The following ARFGEF1 variants were observed in gnomAD, a reference collection of about 807,000 sequenced individuals.
ARFGEF1 encodes the protein brefeldin A-inhibited guanine nucleotide-exchange protein 1.
ARFGEF1 carries 42 observed loss-of-function variants against 231.0 expected under a neutral mutation model. The observed-to-expected ratio is 0.18, with a 90% CI of 0.14 to 0.24. The LOEUF (loss-of-function observed/expected upper bound fraction) is 0.24. ARFGEF1 is among the 10% of genes least tolerant of loss of function. The pLI, the probability that ARFGEF1 is intolerant of heterozygous loss-of-function variation, is 1.00. For synonymous variants in ARFGEF1, 710 were observed against 732.3 expected (o/e 0.97, Z 0.49); for missense variants, 1,345 against 2,192.0 (o/e 0.61, Z 7.72).
intron 7 of ARFGEF1, among the ~76,000 whole-genome samples, chr8:67,282,674 C>T (rs928217415): frequency 2.6e-5 from 4 of 151,738 alleles, no homozygotes; most frequent in East Asian, 1.9e-4. Flanking sequence ...GGTAAAACCC[C>T]GTCTCTACCA....
At chr8:67,194,064 C>T (rs201847681), downstream of ARFGEF1, among the ~76,000 whole-genome samples, 8 of 118,094 alleles carry the variant, frequency 6.8e-5, no homozygotes, top group Non-Finnish European at 1.3e-4. Flanking sequence ...TAAAGCTAGT[C>T]GTCTCCTCAT....
rs1389945256 is a variant in ARFGEF1, at chr8:67,277,580, G to T, written c.1028-123C>A. 4.4e-5 allele frequency: 37 copies of T among 834,958 alleles called. No individual in the cohort carries two copies. In the South Asian group the frequency reaches 5.5e-4, roughly 12 times the overall value. The allele number at this position is 834,958 out of a possible 1,614,324, so 51.7% of individuals were successfully genotyped here. A position where few individuals can be genotyped will look rare whatever the true frequency, so the allele number is the denominator to read the frequency against. ...GCAATGTGAAGTAAAATATGTATTGGCACCATTTAAAGGTTAGCATACTTA... is the reference window on the plus strand; with the variant it reads ...GCAATGTGAAGTAAAATATGTATTGTCACCATTTAAAGGTTAGCATACTTA... On this transcript the variant is annotated intron_variant, in intron 7 of 38. Transcript: ENST00000262215.
intron 7 of ARFGEF1, among the ~76,000 whole-genome samples, chr8:67,278,558 A>G (rs1339339314): frequency 6.6e-6 from 1 of 152,146 alleles, no homozygotes; most frequent in Non-Finnish European, 1.5e-5. Context: ...AATAGATTAA[A>G]CTGGATAGGC....
rs996826279 is a variant in ARFGEF1, at chr8:67,217,793, T to C, written c.4602A>G (p.Thr1534=). ...TAAAATCTTCTTACGCATGTGGGAT[T>C]GTGGTTTTGAAGATATCCAGTGTGC... The part of the protein sequence containing the change: ...CNCTLDIFKT[T]IPHALLTWRP... The change falls in exon 32 of 39, where the codon ACA becomes ACG. Residue 1534 remains threonine (T), a synonymous_variant. Transcript: ENST00000262215. The C allele has an allele frequency of 6.8e-6, 11 of 1,613,792 alleles. No individual in the cohort carries two copies. Among genetic ancestry groups the C allele is most frequent in the Non-Finnish European group, 9.3e-6 (11 of 1,179,838 alleles).
chr8:67,192,226 C>A (rs1041900945), intron 5 of ARFGEF1, among the ~76,000 whole-genome samples: 10 of 152,016 alleles, frequency 6.6e-5, no homozygotes, highest in Admixed American at 3.9e-4. Flanking sequence ...AGGTGCATGC[C>A]AACACGCCTG....
At chr8:67,255,000 G>T (rs1173415317) in intron 17 of ARFGEF1, among the ~76,000 whole-genome samples, 1 of 152,162 alleles carries the variant, frequency 6.6e-6, no homozygotes, top group Non-Finnish European at 1.5e-5. Flanking sequence ...ACACACTGCT[G>T]CCAATAAGAA....
Position 67,251,282 on chromosome 8 carries a change from T to C in ARFGEF1, c.2850+17A>G, listed in dbSNP as rs757230201. The C allele has an allele frequency of 1.3e-6, 2 of 1,574,230 alleles. No individual in the cohort carries two copies. Among genetic ancestry groups the C allele is most frequent in the East Asian group, 2.3e-5 (1 of 44,208 alleles). On this transcript the variant is annotated intron_variant, in intron 19 of 38. Coordinates refer to ENST00000262215, the MANE Select transcript of ARFGEF1 (RefSeq NM_006421.5). ...ATAAATGTACACTGCAATCAAACAT[T>C]ACTTGAAAATTCTAACCTTAAACAT...
rs1170390291 is a variant in ARFGEF1 at position 67,200,340 on chromosome 8, A to C, written c.5385+56T>G. On this transcript the variant is annotated intron_variant, in intron 38 of 38. Coordinates refer to ENST00000262215, the MANE Select transcript of ARFGEF1 (RefSeq NM_006421.5). ...TTGCACGGCGGCTCTGGGACCCCGC[A>C]TCCCAATGCGAATTGGGCTAGAAAT... The C allele has an allele frequency of 2.3e-6, 3 of 1,282,366 alleles. No homozygotes were observed. The African/African-American group carries it at 4.4e-5, about 19-fold the overall frequency. The allele number at this position is 1,282,366 out of a possible 1,614,324, so 79.4% of individuals were successfully genotyped here.
intron 36 of ARFGEF1, 76 bp downstream of exon 36, chr8:67,203,007 T>G: frequency 6.9e-7 from 1 of 1,445,798 alleles, no homozygotes; most frequent in Non-Finnish European, 9.4e-7. Context: ...AGACAGTCAA[T>G]GAGTTCTGAG....
chr8:67,316,007 A>G (rs1807294913), intron 1 of ARFGEF1, among the ~76,000 whole-genome samples: 1 of 152,136 alleles, frequency 6.6e-6, no homozygotes, highest in African/African-American at 2.4e-5. Context: ...CTGAAAATAG[A>G]AAAATAGGAA....
At chr8:67,293,581 T>A (rs1806103867) in intron 5 of ARFGEF1, among the ~76,000 whole-genome samples, 1 of 152,124 alleles carries the variant, frequency 6.6e-6, no homozygotes, top group Admixed American at 6.6e-5. Flanking sequence ...TAAAAAAGAA[T>A]GAGGAAGGTC....
intron 1 of ARFGEF1, among the ~76,000 whole-genome samples, chr8:67,319,655 T>C (rs940109039): frequency 2.6e-5 from 4 of 152,264 alleles, no homozygotes; most frequent in Admixed American, 2.6e-4. Flanking sequence ...GCAGAGTTCT[T>C]AGATAAAATA....
At chr8:67,264,692 A>C (rs1239606058) in intron 14 of ARFGEF1, among the ~76,000 whole-genome samples, 1 of 152,142 alleles carries the variant, frequency 6.6e-6, no homozygotes, top group Non-Finnish European at 1.5e-5. Context: ...AGTTCCATGA[A>C]AGCATTCTCA....
At chr8:67,208,931 TAAC>T (rs914756625) in intron 34 of ARFGEF1, among the ~76,000 whole-genome samples, 7 of 152,186 alleles carry the variant, frequency 4.6e-5, no homozygotes, top group Non-Finnish European at 2.9e-5. Flanking sequence ...GGTTATCATT[TAAC>T]AACAACAAAA....
chr8:67,305,450 C>G (rs1048815243), intron 1 of ARFGEF1, among the ~76,000 whole-genome samples: 12 of 152,146 alleles, frequency 7.9e-5, no homozygotes, highest in Admixed American at 6.5e-4. Context: ...CGGGTTCAAG[C>G]GATTCTCCTG....
At chr8:67,278,691 C>T (rs566988430) in intron 7 of ARFGEF1, among the ~76,000 whole-genome samples, 2 of 152,132 alleles carry the variant, frequency 1.3e-5, no homozygotes, top group South Asian at 4.2e-4. Flanking sequence ...ACTAAAAATA[C>T]AAAAATAAGC....
intron 1 of ARFGEF1, among the ~76,000 whole-genome samples, chr8:67,303,516 G>C (rs1254334756): frequency 2.0e-5 from 3 of 152,100 alleles, no homozygotes; most frequent in Non-Finnish European, 2.9e-5. Context: ...TTCCAGACCA[G>C]TCTGGCCAAC....
downstream of ARFGEF1, chr8:67,193,537 T>TTATA (rs1175214174): frequency 2.5e-6 from 4 of 1,613,296 alleles, no homozygotes; most frequent in African/African-American, 5.3e-5. Context: ...GTTGATGAGC[T>TTATA]TAGAGTGAGA....
intron 1 of ARFGEF1, among the ~76,000 whole-genome samples, chr8:67,333,898 G>A (rs1808218732): frequency 6.6e-6 from 1 of 152,122 alleles, no homozygotes; most frequent in Admixed American, 6.5e-5. Flanking sequence ...AGCACTTTGG[G>A]AGGCCAAGGT....
Sources: allele counts gnomAD v4.1 joint callset (sites outside exome capture counted in the v4.1 genomes callset), GRCh38; gene constraint gnomAD v4.1.1; transcripts MANE v1.5; gene names NCBI Gene and HGNC (gene_info 2026-07-23, HGNC 2026-07-21).